The following TANK variants were observed in gnomAD, a reference collection of about 807,000 sequenced individuals.
TANK encodes TRAF family member-associated NF-kappa-B activator.
A neutral mutation model predicts 43.6 loss-of-function variants in TANK; 15 were observed. The observed-to-expected ratio is 0.34, with a 90% CI of 0.23 to 0.53. TANK has a LOEUF of 0.53. TANK is among the 20% of genes least tolerant of loss of function. TANK has a pLI of 0.94. For missense variants in TANK, 417 were observed against 498.6 expected (o/e 0.84, Z 1.56); for synonymous variants, 162 against 178.2 (o/e 0.91, Z 0.73).
At chr2:161,181,424 AAACAAC>A (rs1010318898) in intron 2 of TANK, among the ~76,000 whole-genome samples, 2 of 152,082 alleles carry the variant, frequency 1.3e-5, no homozygotes, top group African/African-American at 4.8e-5. Flanking sequence ...CCATCTCAAA[AAACAAC>A]AACAACAACA....
intron 4 of TANK, chr2:161,216,359 C>A (rs530235731): frequency 2.2e-6 from 1 of 464,340 alleles, no homozygotes; most frequent in South Asian, 1.6e-5. Context: ...AACATTCTCT[C>A]CTGCTTTCTC....
chr2:161,166,500 C>G (rs1194106809), intron 1 of TANK, among the ~76,000 whole-genome samples: 1 of 152,196 alleles, frequency 6.6e-6, no homozygotes, highest in Non-Finnish European at 1.5e-5. Flanking sequence ...TAAAGATCTT[C>G]CTAACCATCC....
chr2:161,158,571 T>G (rs189952402), upstream of TANK, among the ~76,000 whole-genome samples: 2 of 152,350 alleles, frequency 1.3e-5, no homozygotes, highest in East Asian at 3.9e-4. Flanking sequence ...TATTCAAAGT[T>G]TTTAGCACCT....
chr2:161,161,001 C>A (rs932812579), intron 1 of TANK: 6 of 470,324 alleles, frequency 1.3e-5, no homozygotes, highest in South Asian at 1.2e-4. Context: ...ATAGCCTGGT[C>A]AATGAGAAGT....
chr2:161,197,814 T>C lies in TANK; in HGVS notation c.100-5673T>C, dbSNP rs560050851. ...TTAATACCTCCTAAAAGGCCCCACTTCTTAATACCATCACAATGGGGATTA... is the reference window on the plus strand; with the variant it reads ...TTAATACCTCCTAAAAGGCCCCACTCCTTAATACCATCACAATGGGGATTA... On this transcript the variant is annotated intron_variant, in intron 2 of 7. Transcript: ENST00000392749. 2.6e-5 allele frequency among the ~76,000 whole-genome samples: 4 copies of C among 152,314 alleles called. No individual in the cohort carries two copies. The East Asian group carries it at 7.7e-4, about 29-fold the overall frequency.
At position 161,175,073 on chromosome 2, in the gene TANK, C is replaced by G. The variant is rs115494350; in HGVS notation, c.-49-4541C>G. 2.8e-3 allele frequency among the ~76,000 whole-genome samples: 419 copies of G among 152,228 alleles called. 2 individuals carry two copies. The highest frequency in any genetic ancestry group is 9.6e-3 in the African/African-American group (398 of 41,542). ...TTCATAAATAGATTAACTTTCCTCTCCAAACTCTAGCCTTTTGGATATCTT... is the reference window on the plus strand; with the variant it reads ...TTCATAAATAGATTAACTTTCCTCTGCAAACTCTAGCCTTTTGGATATCTT... On this transcript the variant is annotated intron_variant, in intron 1 of 7. Coordinates refer to ENST00000392749, the MANE Select transcript of TANK (RefSeq NM_001199135.3).
At chr2:161,181,748 G>T (rs1685438076) in intron 2 of TANK, among the ~76,000 whole-genome samples, 1 of 152,074 alleles carries the variant, frequency 6.6e-6, no homozygotes, top group African/African-American at 2.4e-5. Flanking sequence ...CCAATATTGG[G>T]AATTAAAATT....
At chr2:161,141,074 A>G (rs1370888349) in intron 1 of TANK, among the ~76,000 whole-genome samples, 1 of 152,202 alleles carries the variant, frequency 6.6e-6, no homozygotes, top group African/African-American at 2.4e-5. Context: ...TGAAATTCAT[A>G]TAACACAAAA....
Position 161,204,802 on chromosome 2 carries a change from T to C in TANK, c.327+9T>C. On this transcript the variant is annotated intron_variant, in intron 4 of 7. Coordinates refer to ENST00000392749, the MANE Select transcript of TANK (RefSeq NM_001199135.3). ...GAGAAAAACTACCAAAGGTAGACATTGCTTCTGCAGAAAGCAGCATTTAAA... is the reference window on the plus strand; with the variant it reads ...GAGAAAAACTACCAAAGGTAGACATCGCTTCTGCAGAAAGCAGCATTTAAA... 2 of 1,604,592 alleles carry C rather than the reference T, an allele frequency of 1.2e-6. No individual in the cohort carries two copies. The highest frequency in any genetic ancestry group is 1.7e-6 in the Non-Finnish European group (2 of 1,177,168).
rs117173387 is a variant in TANK, at chr2:161,182,398, T to C, written c.99+2637T>C. Among the ~76,000 whole-genome samples, 16 of 152,170 alleles carry C rather than the reference T, an allele frequency of 1.1e-4. No individual in the cohort carries two copies. In the East Asian group the frequency reaches 2.9e-3, roughly 28 times the overall value. ...CTAACCAACTAGTTTCCAGTTGGAG[T>C]TCCCACAATCCCCTCTTTGGGTTTG... On this transcript the variant is annotated intron_variant, in intron 2 of 7. Coordinates refer to ENST00000392749, the MANE Select transcript of TANK (RefSeq NM_001199135.3).
Position 161,189,646 on chromosome 2 carries a change from A to T in TANK, c.99+9885A>T, listed in dbSNP as rs149591204. On this transcript the variant is annotated intron_variant, in intron 2 of 7. Transcript: ENST00000392749. ...ATCTTAAGTATAGAAAGCCCTAAAG[A>T]TTCCACACCCAAAAAAAACCCACCT... Among the ~76,000 whole-genome samples, 513 of 152,296 alleles carry T rather than the reference A, an allele frequency of 3.4e-3. 7 individuals are homozygous for T. The highest frequency in any genetic ancestry group is 0.012 in the African/African-American group (495 of 41,576).
intron 2 of TANK, 33 bp downstream of exon 2, chr2:161,179,794 A>C (rs762708130): frequency 2.0e-5 from 31 of 1,584,462 alleles, no homozygotes; most frequent in Non-Finnish European, 2.7e-5. Flanking sequence ...GTTATTCTTT[A>C]TCTTGGTACA....
At chr2:161,206,313 A>G (rs1686650849) in intron 4 of TANK, among the ~76,000 whole-genome samples, 1 of 152,130 alleles carries the variant, frequency 6.6e-6, no homozygotes, top group Admixed American at 6.6e-5. Context: ...GACGATACAT[A>G]TTTTGAATAA....
At position 161,188,866 on chromosome 2, in the gene TANK, C is replaced by A. The variant is rs138240972; in HGVS notation, c.99+9105C>A. Among the ~76,000 whole-genome samples the A allele has an allele frequency of 8.3e-3, 1,267 of 152,310 alleles. 8 individuals carry two copies. The highest frequency in any genetic ancestry group is 0.014 in the Non-Finnish European group (945 of 68,024). ...ATTAGGCCATGAGGTCTCTGCCCCC[C>A]ATGGGCATAATTAATGCTGCTCCAA... is the stretch of plus-strand genomic sequence containing the variant. On this transcript the variant is annotated intron_variant, in intron 2 of 7. Coordinates refer to ENST00000392749, the MANE Select transcript of TANK (RefSeq NM_001199135.3).
intron 1 of TANK, among the ~76,000 whole-genome samples, chr2:161,148,158 C>T (rs1683970196): frequency 6.6e-6 from 1 of 152,164 alleles, no homozygotes; most frequent in South Asian, 2.1e-4. Flanking sequence ...ATAAGGCTTC[C>T]AATTTTTCCA....
chr2:161,144,301 A>G (rs1435941545), intron 1 of TANK, among the ~76,000 whole-genome samples: 4 of 152,060 alleles, frequency 2.6e-5, no homozygotes, highest in Non-Finnish European at 4.4e-5. Context: ...TGGTGTCTCT[A>G]TCTCCTTCAG....
chr2:161,233,070 A>C (rs960811670), intron 7 of TANK, among the ~76,000 whole-genome samples: 2 of 152,198 alleles, frequency 1.3e-5, no homozygotes, highest in Non-Finnish European at 2.9e-5. Context: ...GTATAAGTAC[A>C]AAGCTAGTAT....
Position 161,224,706 on chromosome 2 carries a change from A to C in TANK, c.480A>C (p.Lys160Asn). 6.3e-7 allele frequency: 1 copy of C among 1,586,052 alleles called. No individual in the cohort carries two copies. Among genetic ancestry groups the C allele is most frequent in the Non-Finnish European group, 8.6e-7 (1 of 1,165,550 alleles). The change falls in exon 6 of 8, where the codon AAA (lysine) becomes AAC (asparagine). Residue 160 changes from lysine (K) to asparagine (N), a missense_variant. Lys to Asn is a moderately conservative substitution (Grantham distance 94). Coordinates refer to ENST00000392749, the MANE Select transcript of TANK (RefSeq NM_001199135.3). ...TATGCATGCTAGCAAAAGCACAGAA[A>C]GACCACTTAAGCAAACTTAATATAC... ...HKICMLAKAQ[K>N]DHLSKLNIPD...
intron 2 of TANK, among the ~76,000 whole-genome samples, chr2:161,182,191 T>TTA (rs1685459587): frequency 6.6e-6 from 1 of 152,098 alleles, no homozygotes. Context: ...ACTTGACAAT[T>TTA]GTGACCAAAT....
Sources: allele counts gnomAD v4.1 joint callset (sites outside exome capture counted in the v4.1 genomes callset), GRCh38; gene constraint gnomAD v4.1.1; transcripts MANE v1.5; gene names NCBI Gene and HGNC (gene_info 2026-07-23, HGNC 2026-07-21).